PCDH15: variants seen among roughly 807,000 people sequenced by gnomAD.
PCDH15 encodes protocadherin related 15.
In PCDH15, 129 loss-of-function variants were observed where a neutral mutation model predicts 178.5. The ratio of observed to expected loss-of-function variants is 0.72; its 90% CI spans 0.63 to 0.84. The LOEUF is 0.84. PCDH15 is among the 40% of genes least tolerant of loss of function. PCDH15 has a pLI of 0.00. For synonymous variants in PCDH15, 800 were observed against 732.0 expected (o/e 1.09, Z -1.50); for missense variants, 2,230 against 2,099.9 (o/e 1.06, Z -1.21).
At chr10:54,763,396 C>G (rs546950416) in intron 1 of PCDH15, among the ~76,000 whole-genome samples, 1 of 152,152 alleles carries the variant, frequency 6.6e-6, no homozygotes, top group East Asian at 1.9e-4. Context: ...TGTAATACCA[C>G]CTTGAAAATA....
chr10:54,488,352 A>G lies in PCDH15; in HGVS notation c.157+39460T>C, dbSNP rs367962557. Reference sequence around the variant, plus strand: ...AATATTGGTTACCAGCGTAATTTTGACATACATTCCTTTGATTCTTATTTT... The same window carrying G: ...AATATTGGTTACCAGCGTAATTTTGGCATACATTCCTTTGATTCTTATTTT... On this transcript the variant is annotated intron_variant, in intron 3 of 37. Coordinates refer to ENST00000644397, the MANE Select transcript of PCDH15 (RefSeq NM_001384140.1). Among the ~76,000 whole-genome samples, 95 of 151,954 alleles carry G rather than the reference A, an allele frequency of 6.3e-4. No individual in the cohort carries two copies. In the East Asian group the frequency reaches 0.013, roughly 20 times the overall value.
At chr10:54,508,685 T>C (rs2137667194) in intron 3 of PCDH15, among the ~76,000 whole-genome samples, 1 of 152,220 alleles carries the variant, frequency 6.6e-6, no homozygotes, top group South Asian at 2.1e-4. Flanking sequence ...GAAAGCACAG[T>C]GGACATAAAG....
At chr10:54,837,103 A>T (rs911106916) in intron 3 of PCDH15, among the ~76,000 whole-genome samples, 2 of 152,154 alleles carry the variant, frequency 1.3e-5, no homozygotes, top group Admixed American at 6.6e-5. Flanking sequence ...AGTATAAATA[A>T]GTTTTTATTA....
chr10:54,845,992 C>A (rs1953502477), intron 3 of PCDH15, among the ~76,000 whole-genome samples: 1 of 152,010 alleles, frequency 6.6e-6, no homozygotes, highest in Non-Finnish European at 1.5e-5. Flanking sequence ...TTAAAAAGCG[C>A]ATAATTTATT....
chr10:54,661,353 A>T (rs2094487829), intron 2 of PCDH15, among the ~76,000 whole-genome samples: 1 of 152,050 alleles, frequency 6.6e-6, no homozygotes, highest in Admixed American at 6.6e-5. Flanking sequence ...CAATGAGGTA[A>T]AAGATGTCCA....
chr10:54,191,881 G>C (rs7094949), intron 11 of PCDH15, among the ~76,000 whole-genome samples: 1 of 150,044 alleles, frequency 6.7e-6, no homozygotes, highest in African/African-American at 2.5e-5. Context: ...GGATTGTGAC[G>C]CTGCACTCCA....
intron 1 of PCDH15, among the ~76,000 whole-genome samples, chr10:55,275,227 T>C (rs1321888206): frequency 6.6e-6 from 1 of 152,104 alleles, no homozygotes; most frequent in Admixed American, 6.5e-5. Flanking sequence ...GTTATAGATG[T>C]TACTTTCATC....
At chr10:55,103,387 G>T (rs1053334985) in intron 2 of PCDH15, among the ~76,000 whole-genome samples, 2 of 151,872 alleles carry the variant, frequency 1.3e-5, no homozygotes, top group African/African-American at 2.4e-5. Flanking sequence ...CCTCTGTTGG[G>T]GTATCTGTTA....
Position 55,432,826 on chromosome 10 carries a change from G to A in PCDH15, c.-156+194799C>T, listed in dbSNP as rs184815239. The stretch of plus-strand genomic sequence containing the variant: ...TTTTTAGTAGAGATGGCGTTTAACC[G>A]TGTTAGCCAGGATGCTCTCGATCTC... On this transcript the variant is annotated intron_variant, in intron 2 of 5. Coordinates refer to the PCDH15 transcript ENST00000613346. Among the ~76,000 whole-genome samples, 176 of 151,542 alleles carry A rather than the reference G, an allele frequency of 1.2e-3. 1 individual carries two copies. Among genetic ancestry groups the A allele is most frequent in the Non-Finnish European group, 3.1e-4 (21 of 67,878 alleles).
intron 2 of PCDH15, among the ~76,000 whole-genome samples, chr10:55,331,930 GA>G (rs1436982717): frequency 1.3e-5 from 2 of 152,068 alleles, no homozygotes; most frequent in Non-Finnish European, 2.9e-5. Flanking sequence ...CAAGAGGAAG[GA>G]AGTGAAGATG....
At chr10:55,594,532 G>C (rs1469815169) in intron 2 of PCDH15, among the ~76,000 whole-genome samples, 1 of 151,976 alleles carries the variant, frequency 6.6e-6, no homozygotes, top group East Asian at 1.9e-4. Flanking sequence ...GTAATTTAGA[G>C]ACATAAATAT....
At chr10:55,406,076 A>G (rs985418053) in intron 2 of PCDH15, among the ~76,000 whole-genome samples, 8 of 151,456 alleles carry the variant, frequency 5.3e-5, no homozygotes, top group African/African-American at 1.5e-4. Flanking sequence ...TCTAAAAAAA[A>G]AAAGGCATAA....
At chr10:54,734,531 A>T (rs1334146146) in intron 1 of PCDH15, among the ~76,000 whole-genome samples, 1 of 151,942 alleles carries the variant, frequency 6.6e-6, no homozygotes, top group Non-Finnish European at 1.5e-5. Flanking sequence ...CTACCAAATG[A>T]CCTTGCATCA....
intron 7 of PCDH15, 146 bp downstream of exon 7, chr10:54,329,450 G>T: frequency 3.2e-6 from 2 of 629,672 alleles, no homozygotes; most frequent in South Asian, 1.9e-5. Flanking sequence ...CCATCTATAA[G>T]AGTATTATAT....
chr10:55,552,113 C>CA (rs1429703583), intron 2 of PCDH15, among the ~76,000 whole-genome samples: 2 of 151,706 alleles, frequency 1.3e-5, no homozygotes. Context: ...ACTGCGTAGT[C>CA]AGACTTATTC....
At chr10:54,174,227 T>C (rs963222786) in intron 13 of PCDH15, among the ~76,000 whole-genome samples, 2 of 152,042 alleles carry the variant, frequency 1.3e-5, no homozygotes, top group Non-Finnish European at 2.9e-5. Flanking sequence ...TGAAAGTTGA[T>C]GGTGGCAGTG....
intron 21 of PCDH15, among the ~76,000 whole-genome samples, chr10:53,975,109 G>A (rs1337523898): frequency 6.6e-6 from 1 of 152,104 alleles, no homozygotes; most frequent in Non-Finnish European, 1.5e-5. Context: ...CAAAGGGCGT[G>A]CTTTCATTCT....
intron 1 of PCDH15, among the ~76,000 whole-genome samples, chr10:54,686,369 G>T (rs1424013427): frequency 1.3e-5 from 2 of 152,014 alleles, no homozygotes; most frequent in Non-Finnish European, 2.9e-5. Flanking sequence ...CCTTTTTAAA[G>T]AAAGCATTAA....
intron 2 of PCDH15, among the ~76,000 whole-genome samples, chr10:55,164,725 A>C (rs1369285854): frequency 6.6e-6 from 1 of 152,118 alleles, no homozygotes; most frequent in Non-Finnish European, 1.5e-5. Context: ...AAAAAGGAAA[A>C]ACTAAAGATG....
Sources: gnomAD v4.1 joint callset for allele counts (sites outside exome capture counted in the v4.1 genomes callset) on GRCh38, gnomAD v4.1.1 for gene constraint, MANE v1.5 for transcripts, NCBI Gene and HGNC (gene_info 2026-07-23, HGNC 2026-07-21) for gene names.